CACNA1S: variants seen among roughly 807,000 people sequenced by gnomAD.
CACNA1S encodes the protein voltage-dependent L-type calcium channel subunit alpha-1S.
Under a neutral mutation model 207.4 loss-of-function variants are expected in CACNA1S, and 126 were observed. The ratio of observed to expected loss-of-function variants is 0.61; its 90% CI spans 0.53 to 0.70. The LOEUF is 0.70. CACNA1S is among the 30% of genes least tolerant of loss of function. The pLI is 0.00. For synonymous variants in CACNA1S, 960 were observed against 932.7 expected, an observed-to-expected ratio of 1.03 and a Z score of -0.53; for missense variants, 2,349 against 2,422.8, an observed-to-expected ratio of 0.97 and a Z score of 0.64.
intron 5 of CACNA1S, among the ~76,000 whole-genome samples, chr1:201,090,544 T>A (rs1662186880): frequency 6.6e-6 from 1 of 152,186 alleles, no homozygotes; most frequent in South Asian, 2.1e-4. Context: ...ACTGAAGGCC[T>A]AGAACAGTTA....
chr1:201,069,014 G>T, intron 19 of CACNA1S, 123 bp downstream of exon 19: 1 of 869,622 alleles, frequency 1.1e-6, no homozygotes, highest in Non-Finnish European at 1.9e-6. Flanking sequence ...TGGGTCCCAT[G>T]AGTCTTTCCT....
Position 201,077,921 on chromosome 1 carries a change from AC to A in CACNA1S, c.1576del (p.Val526CysfsTer8). 3 of 1,614,140 alleles carry A rather than the reference AC, an allele frequency of 1.9e-6. No homozygotes were observed. Among genetic ancestry groups the A allele is most frequent in the Non-Finnish European group, 2.5e-6 (3 of 1,179,960 alleles). ...CCTCAGGAGGCGGATGCAGCGGAGCACGGAGATGCCCAGGGGTGTCATGGCA... is the reference window on the plus strand; with the variant it reads ...CCTCAGGAGGCGGATGCAGCGGAGCAGGAGATGCCCAGGGGTGTCATGGCA... Reference protein sequence around the residue: ...SGAMTPLGISVLRCIRLLRIF... With the variant: ...SGAMTPLGISXLRCIRLLRIF... On this transcript the variant is annotated frameshift_variant, in exon 11 of 44. Transcript: ENST00000362061. LOFTEE classifies it high-confidence loss of function.
At chr1:201,082,881 G>C (rs1661887644) in intron 10 of CACNA1S, among the ~76,000 whole-genome samples, 1 of 152,226 alleles carries the variant, frequency 6.6e-6, no homozygotes, top group Non-Finnish European at 1.5e-5. Flanking sequence ...ACCTGGGCAA[G>C]CACCTGTCCC....
At chr1:201,045,715 ACAGCGAGACTCTTGT>A (rs1660447187) in intron 38 of CACNA1S, among the ~76,000 whole-genome samples, 2 of 136,514 alleles carry the variant, frequency 1.5e-5, no homozygotes, top group Admixed American at 8.2e-5. Context: ...AGCCTGGGCG[ACAGCGAGACTCTTGT>A]CTCCAAAAAA....
intron 42 of CACNA1S, 86 bp downstream of exon 42, chr1:201,040,536 C>G (rs1372299679): frequency 7.0e-7 from 1 of 1,437,676 alleles, no homozygotes; most frequent in African/African-American, 1.4e-5. Flanking sequence ...GCTGCCACAG[C>G]CTTCCCCTGC....
rs148770452 is a variant in CACNA1S, at chr1:201,085,016, T to A, written c.1166A>T (p.Asp389Val). 237 of 1,611,306 alleles carry A rather than the reference T, an allele frequency of 1.5e-4. No homozygotes were observed. The highest frequency in any genetic ancestry group is 8.5e-4 in the Middle Eastern group (5 of 5,874). The part of the protein sequence containing the change: ...EDFREGKLSL[D>V]EGGSDTESLY... ...GCTCTCTGTGTCAGAGCCACCTTCA[T>A]CCAAAGACAGTTTTCCTGGAGACAG... is the stretch of plus-strand genomic sequence containing the variant. Residue 389 changes from aspartate to valine, a missense_variant, in exon 9 of 44, where the codon GAT (aspartate) becomes GTT (valine). Asp to Val is a radical substitution (Grantham distance 152). Coordinates refer to ENST00000362061, the MANE Select transcript of CACNA1S (RefSeq NM_000069.3).
chr1:201,103,243 T>C (rs1292723586), intron 2 of CACNA1S, among the ~76,000 whole-genome samples: 1 of 101,870 alleles, frequency 9.8e-6, no homozygotes, highest in Admixed American at 1.0e-4. Flanking sequence ...AGACTTGGTC[T>C]CAAAAAAAAA....
At position 201,094,163 on chromosome 1, in the gene CACNA1S, A is replaced by AC. The variant is rs201338755; in HGVS notation, c.259-143dup. 3.8e-3 allele frequency: 3,252 copies of AC among 863,560 alleles called. 35 individuals are homozygous for AC. Among genetic ancestry groups the AC allele is most frequent in the African/African-American group, 0.028 (1,666 of 59,728 alleles). The allele number at this position is 863,560 out of a possible 1,614,324, so 53.5% of individuals were successfully genotyped here. A position where few individuals can be genotyped will look rare whatever the true frequency, so the allele number is the denominator to read the frequency against. On this transcript the variant is annotated intron_variant, in intron 2 of 43. Transcript: ENST00000362061. ...GTTTGCACTTGCTGATGGAATGCCT[A>AC]CCCCCCCACTCCACACCTACATGCC...
At position 201,050,213 on chromosome 1, in the gene CACNA1S, C is replaced by T. The variant is rs1660605171; in HGVS notation, c.4241+176G>A. On this transcript the variant is annotated intron_variant, in intron 34 of 43. Coordinates refer to ENST00000362061, the MANE Select transcript of CACNA1S (RefSeq NM_000069.3). The stretch of plus-strand genomic sequence containing the variant: ...TCAAGGGTGTTTCCACCCCGGAAAG[C>T]TGTAGGATTCCCTCCAACCTGGAGA... 2.0e-5 allele frequency among the ~76,000 whole-genome samples: 3 copies of T among 152,166 alleles called. No individual in the cohort carries two copies. In the South Asian group the frequency reaches 6.2e-4, roughly 32 times the overall value.
intron 2 of CACNA1S, among the ~76,000 whole-genome samples, chr1:201,099,626 C>A (rs116692779): frequency 6.6e-6 from 1 of 152,204 alleles, no homozygotes; most frequent in Non-Finnish European, 1.5e-5. Context: ...GCCCAGGGTG[C>A]TTGCAGGGAG....
intron 16 of CACNA1S, among the ~76,000 whole-genome samples, chr1:201,071,375 T>C (rs1661432130): frequency 1.3e-5 from 2 of 152,106 alleles, no homozygotes; most frequent in South Asian, 4.1e-4. Context: ...ACTTTCTGTC[T>C]TGCCCAGCCT....
intron 8 of CACNA1S, 111 bp from the exon 9 acceptor site, chr1:201,085,142 T>A: frequency 2.4e-6 from 2 of 823,924 alleles, no homozygotes; most frequent in Non-Finnish European, 4.1e-6. Context: ...TCTGCAACAA[T>A]GGGTCCTAGG....
At chr1:201,058,042 G>A (rs954444592) in intron 28 of CACNA1S, among the ~76,000 whole-genome samples, 2 of 152,120 alleles carry the variant, frequency 1.3e-5, no homozygotes, top group Non-Finnish European at 2.9e-5. Flanking sequence ...TCCTACAGTA[G>A]CCCTGCCTGA....
intron 24 of CACNA1S, 48 bp from the exon 25 acceptor site, chr1:201,061,516 CAG>C: frequency 2.6e-6 from 4 of 1,562,492 alleles, no homozygotes; most frequent in East Asian, 2.2e-5. Context: ...GGTGACAAGG[CAG>C]AGAGTCAGGC....
At chr1:201,089,048 G>T (rs1023987728) in intron 6 of CACNA1S, among the ~76,000 whole-genome samples, 1 of 152,190 alleles carries the variant, frequency 6.6e-6, no homozygotes, top group Non-Finnish European at 1.5e-5. Context: ...TGTATCATGG[G>T]GATTTCCCCA....
intron 28 of CACNA1S, among the ~76,000 whole-genome samples, chr1:201,056,056 C>T (rs1427533138): frequency 7.7e-6 from 1 of 130,330 alleles, no homozygotes; most frequent in Non-Finnish European, 1.6e-5. Flanking sequence ...CACACACAGA[C>T]AGACAGACAG....
Position 201,076,949 on chromosome 1 carries a change from A to C in CACNA1S, c.1798T>G (p.Phe600Val). The change falls in exon 12 of 44, where the codon TTT becomes GTT. Residue 600 changes from phenylalanine to valine, a missense_variant. By Grantham distance (50) the Phe-to-Val change is conservative. Coordinates refer to ENST00000362061, the MANE Select transcript of CACNA1S (RefSeq NM_000069.3). The part of the protein sequence containing the change: ...TEVRRSNFDN[F>V]PQALISVFQV... Reference sequence around the variant, plus strand: ...AAGACGCTGATGAGGGCTTGGGGAAAGTTGTCAAAGTTGCTGCGCCGTACT... The same window carrying C: ...AAGACGCTGATGAGGGCTTGGGGAACGTTGTCAAAGTTGCTGCGCCGTACT... The C allele has an allele frequency of 6.2e-7, 1 of 1,614,226 alleles. No homozygotes were observed. Among genetic ancestry groups the C allele is most frequent in the East Asian group, 2.2e-5 (1 of 44,890 alleles).
intron 16 of CACNA1S, among the ~76,000 whole-genome samples, chr1:201,072,473 A>G (rs1302987069): frequency 6.6e-6 from 1 of 152,190 alleles, no homozygotes; most frequent in African/African-American, 2.4e-5. Flanking sequence ...TGCTTCTTGA[A>G]AACTGAGTCC....
intron 28 of CACNA1S, among the ~76,000 whole-genome samples, chr1:201,056,321 C>T (rs1660846331): frequency 5.3e-5 from 8 of 152,230 alleles, no homozygotes; most frequent in Admixed American, 5.2e-4. Flanking sequence ...TCCTCAGAGA[C>T]TCCAGACTTT....
Sources: gnomAD v4.1 joint callset for allele counts (sites outside exome capture counted in the v4.1 genomes callset) on GRCh38, gnomAD v4.1.1 for gene constraint, MANE v1.5 for transcripts, NCBI Gene and HGNC (gene_info 2026-07-23, HGNC 2026-07-21) for gene names.